KCNMA1: variants seen among roughly 807,000 people sequenced by gnomAD.
KCNMA1 encodes potassium calcium-activated channel subfamily M alpha 1, also known as Calcium-activated potassium channel subunit alpha-1.
KCNMA1 carries 29 observed loss-of-function variants against 140.0 expected under a neutral mutation model. That is an observed-to-expected ratio of 0.21 (90% CI 0.15 to 0.28). KCNMA1 has a LOEUF of 0.28. Among genes scored for constraint, KCNMA1 ranks in the 10% least tolerant of loss-of-function variants. The probability of loss-of-function intolerance (pLI) is 1.00; values close to 1 mark genes in which losing one functional copy is unlikely to be tolerated. For missense variants in KCNMA1, 880 were observed against 1,602.2 expected (o/e 0.55, Z 7.70); for synonymous variants, 612 against 611.9 (o/e 1.00, Z 0.00).
chr10:77,071,955 T>C (rs1290818907), intron 14 of KCNMA1, among the ~76,000 whole-genome samples: 1 of 152,184 alleles, frequency 6.6e-6, no homozygotes, highest in Non-Finnish European at 1.5e-5. Flanking sequence ...TGTATCCTCA[T>C]GCTTCCCACC....
At chr10:77,566,033 CTCT>C (rs1175176768) in intron 1 of KCNMA1, among the ~76,000 whole-genome samples, 1 of 109,338 alleles carries the variant, frequency 9.1e-6, no homozygotes, top group Non-Finnish European at 2.4e-5. Context: ...TTTTTCTCTC[CTCT>C]TATTTCTCTT....
chr10:77,594,129 AAAAG>A (rs2080075894), intron 1 of KCNMA1, among the ~76,000 whole-genome samples: 1 of 152,182 alleles, frequency 6.6e-6, no homozygotes, highest in Non-Finnish European at 1.5e-5. Flanking sequence ...CATGAAAGTG[AAAAG>A]AAAGGGACAA....
chr10:77,056,304 C>A (rs141678805), intron 14 of KCNMA1, among the ~76,000 whole-genome samples: 14 of 152,148 alleles, frequency 9.2e-5, no homozygotes, highest in African/African-American at 3.4e-4. Flanking sequence ...TGCTTGAACC[C>A]AGAAGGCAGA....
intron 1 of KCNMA1, among the ~76,000 whole-genome samples, chr10:77,555,134 G>A (rs182263697): frequency 6.1e-4 from 93 of 151,972 alleles, no homozygotes; most frequent in South Asian, 4.0e-3. Context: ...TAAGAAAGAG[G>A]ACACTGACAT....
intron 2 of KCNMA1, among the ~76,000 whole-genome samples, chr10:77,287,495 G>A (rs952516575): frequency 4.1e-4 from 62 of 152,280 alleles, no homozygotes; most frequent in Non-Finnish European, 1.6e-4. Flanking sequence ...AAGCCAATTT[G>A]GGATCCTAAA....
chr10:77,543,537 T>C (rs1407463864), intron 1 of KCNMA1, among the ~76,000 whole-genome samples: 1 of 152,082 alleles, frequency 6.6e-6, no homozygotes, highest in Non-Finnish European at 1.5e-5. Flanking sequence ...GAAGAAAACA[T>C]AACCAAAGAA....
intron 1 of KCNMA1, among the ~76,000 whole-genome samples, chr10:77,522,642 G>T (rs904318801): frequency 3.9e-5 from 6 of 152,178 alleles, no homozygotes; most frequent in Non-Finnish European, 8.8e-5. Flanking sequence ...GCAGAGTTGT[G>T]GGACCTAGCT....
chr10:77,571,383 G>A (rs1173781275), intron 1 of KCNMA1, among the ~76,000 whole-genome samples: 1 of 152,128 alleles, frequency 6.6e-6, no homozygotes, highest in Non-Finnish European at 1.5e-5. Flanking sequence ...CAGGAACTCT[G>A]GTGTGACCAA....
chr10:77,512,614 G>T (rs2048792508), intron 1 of KCNMA1, among the ~76,000 whole-genome samples: 1 of 152,078 alleles, frequency 6.6e-6, no homozygotes, highest in Admixed American at 6.5e-5. Context: ...TTGGAGACAG[G>T]GTCTTTAAAG....
At chr10:77,583,632 T>C (rs2076446578) in intron 1 of KCNMA1, among the ~76,000 whole-genome samples, 1 of 152,214 alleles carries the variant, frequency 6.6e-6, no homozygotes, top group South Asian at 2.1e-4. Context: ...TGACTTGACT[T>C]TCCAGGCAAG....
At chr10:77,146,351 C>T (rs2098290535) in intron 5 of KCNMA1, among the ~76,000 whole-genome samples, 1 of 152,122 alleles carries the variant, frequency 6.6e-6, no homozygotes, top group Non-Finnish European at 1.5e-5. Context: ...TCCTGATGCA[C>T]TGAGAGACCC....
At chr10:77,362,103 G>T (rs545962538) in intron 2 of KCNMA1, among the ~76,000 whole-genome samples, 6 of 152,140 alleles carry the variant, frequency 3.9e-5, no homozygotes, top group Non-Finnish European at 8.8e-5. Flanking sequence ...TCCCTAAGGG[G>T]CTTCCAGATC....
At chr10:77,449,681 C>T (rs1247203288) in intron 1 of KCNMA1, among the ~76,000 whole-genome samples, 2 of 126,360 alleles carry the variant, frequency 1.6e-5, no homozygotes, top group East Asian at 2.3e-4. Context: ...CTCACTTTGT[C>T]GCCCAGGCTG....
At chr10:76,928,715 A>C (rs1218365015) in intron 23 of KCNMA1, among the ~76,000 whole-genome samples, 1 of 152,190 alleles carries the variant, frequency 6.6e-6, no homozygotes, top group Non-Finnish European at 1.5e-5. Context: ...GCATGCAATC[A>C]AAGACAATAA....
chr10:77,106,901 T>C (rs547310579), intron 9 of KCNMA1, among the ~76,000 whole-genome samples: 187 of 152,214 alleles, frequency 1.2e-3, no homozygotes, highest in Non-Finnish European at 1.9e-3. Context: ...AGGGCTCCAT[T>C]AGAGGGAAGA....
Position 77,591,207 on chromosome 10 carries a change from A to T in KCNMA1, c.378+46058T>A, listed in dbSNP as rs542672120. On this transcript the variant is annotated intron_variant, in intron 1 of 27. Coordinates refer to ENST00000286628, the MANE Select transcript of KCNMA1 (RefSeq NM_001161352.2). ...CAGACTCCCCTGGCCAAGATCACTC[A>T]TGTACCAAGAGGATTGGACAAGGCC... 3.3e-5 allele frequency among the ~76,000 whole-genome samples: 5 copies of T among 152,286 alleles called. 1 individual carries two copies. The highest frequency in any genetic ancestry group is 1.2e-4 in the African/African-American group (5 of 41,562).
chr10:77,423,508 G>A (rs1034870408), intron 1 of KCNMA1, among the ~76,000 whole-genome samples: 5 of 152,128 alleles, frequency 3.3e-5, no homozygotes, highest in African/African-American at 7.2e-5. Context: ...TCCTGTGCCC[G>A]ATACCTTAGG....
chr10:77,535,538 G>C (rs1300875603), intron 1 of KCNMA1, among the ~76,000 whole-genome samples: 1 of 152,118 alleles, frequency 6.6e-6, no homozygotes, highest in African/African-American at 2.4e-5. Flanking sequence ...CAATTCCACT[G>C]CTGGGTATAT....
intron 3 of KCNMA1, among the ~76,000 whole-genome samples, chr10:77,220,103 CAATT>C (rs1425831935): frequency 6.6e-6 from 1 of 152,220 alleles, no homozygotes; most frequent in Non-Finnish European, 1.5e-5. Flanking sequence ...TCTGTTGACT[CAATT>C]AATCCTCATA....
Sources: allele counts gnomAD v4.1 joint callset (sites outside exome capture counted in the v4.1 genomes callset), GRCh38; gene constraint gnomAD v4.1.1; transcripts MANE v1.5; gene names NCBI Gene and HGNC (gene_info 2026-07-23, HGNC 2026-07-21).